The following CCDC158 variants were observed in gnomAD, a reference collection of about 807,000 sequenced individuals.
CCDC158 encodes coiled-coil domain-containing protein 158.
A neutral mutation model predicts 138.6 loss-of-function variants in CCDC158; 116 were observed. The observed-to-expected ratio is 0.84, with a 90% CI of 0.72 to 0.98. CCDC158 has a LOEUF of 0.98. Ranked by LOEUF, CCDC158 falls within the 50% of genes least tolerant of loss-of-function variation. The pLI is 0.00. For missense variants in CCDC158, 1,265 were observed against 1,306.1 expected (o/e 0.97, Z 0.48); for synonymous variants, 436 against 442.4 (o/e 0.99, Z 0.18).
intron 18 of CCDC158, among the ~76,000 whole-genome samples, chr4:76,342,271 C>T (rs1722128376): frequency 6.6e-6 from 1 of 152,108 alleles, no homozygotes; most frequent in Non-Finnish European, 1.5e-5. Flanking sequence ...AACTCCTGGT[C>T]TCAAGCAACC....
At chr4:76,393,588 T>C (rs28756437) in intron 4 of CCDC158, among the ~76,000 whole-genome samples, 4,481 of 152,006 alleles carry the variant, frequency 0.029, 222 homozygotes, top group African/African-American at 0.1. Context: ...ATTTCTCGAG[T>C]AATACCCTAC....
At chr4:76,321,762 T>TA (rs1720032417) in intron 24 of CCDC158, among the ~76,000 whole-genome samples, 3 of 139,194 alleles carry the variant, frequency 2.2e-5, no homozygotes, top group African/African-American at 9.0e-5. Context: ...TATATATATT[T>TA]TTTATATATA....
intron 4 of CCDC158, among the ~76,000 whole-genome samples, chr4:76,391,301 A>C (rs1727289030): frequency 1.3e-5 from 2 of 151,976 alleles, no homozygotes; most frequent in South Asian, 4.1e-4. Context: ...TAAAACATTC[A>C]AGAAAACCTG....
chr4:76,415,307 G>C (rs1729604373), intron 1 of CCDC158, among the ~76,000 whole-genome samples: 1 of 152,082 alleles, frequency 6.6e-6, no homozygotes, highest in Non-Finnish European at 1.5e-5. Flanking sequence ...GGTGACCCGG[G>C]TACTGTTAAA....
At position 76,403,293 on chromosome 4, in the gene CCDC158, G is replaced by T; in HGVS notation, c.-73-13C>A. On this transcript the variant is annotated splice_polypyrimidine_tract_variant and intron_variant, in intron 2 of 24. Transcript: ENST00000682701. ...TTTTGGTTCCTGTCTATGAAAGACA[G>T]AGATTCAATCTTTATTAACAAGGTA... The T allele has an allele frequency of 2.3e-6, 2 of 872,880 alleles. No individual in the cohort carries two copies. The highest frequency in any genetic ancestry group is 2.4e-4 in the Middle Eastern group (1 of 4,186). 54.1% of individuals were successfully genotyped at this position (872,880 alleles called of 1,614,324 possible). A position where few individuals can be genotyped will look rare whatever the true frequency, so the allele number is the denominator to read the frequency against.
At chr4:76,397,369 A>C (rs1453210268) in intron 3 of CCDC158, among the ~76,000 whole-genome samples, 1 of 152,218 alleles carries the variant, frequency 6.6e-6, no homozygotes. Context: ...TGAGCCATAT[A>C]AATGTTAGAT....
chr4:76,374,788 C>T (rs1725565284), intron 9 of CCDC158, among the ~76,000 whole-genome samples: 1 of 151,134 alleles, frequency 6.6e-6, no homozygotes, highest in African/African-American at 2.4e-5. Context: ...AAGATTTTCT[C>T]TTTTGTCTGC....
chr4:76,335,909 C>T (rs898816250), intron 18 of CCDC158, among the ~76,000 whole-genome samples: 8 of 149,718 alleles, frequency 5.3e-5, no homozygotes, highest in East Asian at 2.1e-4. Context: ...TGGCAGGGCG[C>T]GGTGGCTCAC....
At chr4:76,372,411 C>G (rs898432861) in intron 9 of CCDC158, among the ~76,000 whole-genome samples, 1 of 152,192 alleles carries the variant, frequency 6.6e-6, no homozygotes, top group Non-Finnish European at 1.5e-5. Flanking sequence ...TGTCCCTGCA[C>G]TCCAGCCTGG....
intron 21 of CCDC158, among the ~76,000 whole-genome samples, 167 bp from the exon 22 acceptor site, chr4:76,329,134 G>A (rs1295550221): frequency 2.0e-5 from 3 of 152,138 alleles, no homozygotes; most frequent in South Asian, 2.1e-4. Flanking sequence ...TAGGTTCAAA[G>A]TTGCATTATC....
At chr4:76,371,269 A>C in intron 10 of CCDC158, 148 bp downstream of exon 10, 1 of 779,312 alleles carries the variant, frequency 1.3e-6, no homozygotes, top group Non-Finnish European at 2.0e-6. Context: ...TATATGCAAA[A>C]CTTGAATTGT....
At chr4:76,324,636 A>C (rs1454870731) in intron 23 of CCDC158, among the ~76,000 whole-genome samples, 2 of 152,174 alleles carry the variant, frequency 1.3e-5, no homozygotes, top group Non-Finnish European at 2.9e-5. Context: ...TCCTGCAATA[A>C]CCACAGCTTT....
rs1720994990 is a variant in CCDC158, at chr4:76,331,384, C to A, written c.2902G>T (p.Asp968Tyr). 5.0e-6 allele frequency: 8 copies of A among 1,613,928 alleles called. No homozygotes were observed. Among genetic ancestry groups the A allele is most frequent in the Non-Finnish European group, 6.8e-6 (8 of 1,179,852 alleles). ...CTTGATTTGCTTCCTTCAGTGGAGT[C>A]CCTCAACGAGTTGTTGCTTCTGTTG... ...MCHRSNNSLRDSTEGSKSSET... is the reference protein window; with the variant it reads ...MCHRSNNSLRYSTEGSKSSET... The change falls in exon 21 of 25, where the codon GAC (aspartate) becomes TAC (tyrosine). Residue 968 changes from aspartate to tyrosine, a missense_variant. By Grantham distance (160) the Asp-to-Tyr change is radical (BLOSUM62 -3). Transcript: ENST00000682701.
At chr4:76,355,864 T>C (rs923104405) in intron 14 of CCDC158, among the ~76,000 whole-genome samples, 5 of 151,370 alleles carry the variant, frequency 3.3e-5, no homozygotes, top group Non-Finnish European at 5.9e-5. Context: ...TAATAATATA[T>C]ATTGTATTAT....
chr4:76,345,658 T>C, intron 18 of CCDC158: 1 of 755,778 alleles, frequency 1.3e-6, no homozygotes, highest in Non-Finnish European at 2.4e-6. Context: ...ACTTAAATCA[T>C]TACCATGGAA....
At chr4:76,377,280 G>A (rs537154497) in intron 9 of CCDC158, among the ~76,000 whole-genome samples, 3 of 152,314 alleles carry the variant, frequency 2.0e-5, no homozygotes, top group African/African-American at 7.2e-5. Context: ...CCACAGGTGA[G>A]TTGAGCTTTA....
intron 9 of CCDC158, among the ~76,000 whole-genome samples, chr4:76,376,271 C>G (rs1330827265): frequency 6.6e-6 from 1 of 150,662 alleles, no homozygotes; most frequent in Non-Finnish European, 1.5e-5. Context: ...ACTATGTTGC[C>G]CAGGCTTGTC....
chr4:76,333,384 A>G (rs1260894593), intron 19 of CCDC158, among the ~76,000 whole-genome samples: 1 of 152,248 alleles, frequency 6.6e-6, no homozygotes, highest in African/African-American at 2.4e-5. Context: ...AGCTAAGCTA[A>G]ATGATAACAC....
intron 8 of CCDC158, among the ~76,000 whole-genome samples, chr4:76,382,132 A>C (rs2110300264): frequency 6.6e-6 from 1 of 152,318 alleles, no homozygotes; most frequent in South Asian, 2.1e-4. Flanking sequence ...ATAGCGAGTG[A>C]GTTCTCATGA....
Sources: gnomAD v4.1 joint callset for allele counts (sites outside exome capture counted in the v4.1 genomes callset) on GRCh38, gnomAD v4.1.1 for gene constraint, MANE v1.5 for transcripts, NCBI Gene and HGNC (gene_info 2026-07-23, HGNC 2026-07-21) for gene names.